EIF4ENIF1: variants seen among roughly 807,000 people sequenced by gnomAD.
The protein encoded by EIF4ENIF1 is eukaryotic translation initiation factor 4E transporter.
In EIF4ENIF1, 23 loss-of-function variants were observed where a neutral mutation model predicts 110.5. The observed-to-expected ratio is 0.21, with a 90% CI of 0.15 to 0.29. The LOEUF (loss-of-function observed/expected upper bound fraction) is 0.29, where lower values mean the gene tolerates loss of function less well. Among genes scored for constraint, EIF4ENIF1 ranks in the 10% least tolerant of loss-of-function variants. The pLI, the probability that EIF4ENIF1 is intolerant of heterozygous loss-of-function variation, is 1.00. For missense variants in EIF4ENIF1, 1,031 were observed against 1,221.1 expected (o/e 0.84, Z 2.32); for synonymous variants, 440 against 437.0 (o/e 1.01, Z -0.09).
At chr22:31,460,634 A>G (rs1245880816) in intron 6 of EIF4ENIF1, among the ~76,000 whole-genome samples, 1 of 150,260 alleles carries the variant, frequency 6.7e-6, no homozygotes, top group African/African-American at 2.5e-5. Flanking sequence ...GTCTCAAAAA[A>G]AAAAGAAAAT....
rs772711567 is a variant in EIF4ENIF1, at chr22:31,463,669, A to G, written c.585+12T>C. On this transcript the variant is annotated intron_variant, in intron 5 of 18. Transcript: ENST00000330125. ...CTCAATTTAAAAAAAAAAAAAAAAA[A>G]AAAAGACAAACCCTGAAACGCTTGT... 1.7e-4 allele frequency: 271 copies of G among 1,555,680 alleles called. No individual in the cohort carries two copies. Among genetic ancestry groups the G allele is most frequent in the South Asian group, 1.6e-3 (131 of 81,160 alleles).
At chr22:31,450,409 C>G in intron 10 of EIF4ENIF1, 49 bp from the exon 11 acceptor site, 1 of 1,463,090 alleles carries the variant, frequency 6.8e-7, no homozygotes, top group Non-Finnish European at 9.6e-7. Context: ...ACTCACTTAA[C>G]TTACAGATTG....
At position 31,462,944 on chromosome 22, in the gene EIF4ENIF1, A is replaced by C. The variant is rs1304843165; in HGVS notation, c.775T>G (p.Ser259Ala). The C allele has an allele frequency of 6.2e-7, 1 of 1,613,698 alleles. No homozygotes were observed. The highest frequency in any genetic ancestry group is 8.5e-7 in the Non-Finnish European group (1 of 1,179,940). The change falls in exon 6 of 19, where the codon TCT (serine) becomes GCT (alanine). Residue 259 changes from serine to alanine, a missense_variant. Ser to Ala is a moderately conservative substitution (Grantham distance 99). This residue lies in a region of EIF4ENIF1 where 704 missense variants were observed against 879.7 expected (regional missense o/e 0.80). Transcript: ENST00000330125. ...AGTTTGAACTGACCTTCCTTCACAG[A>C]GGCTGTCCGTCGCCTTGTTCTTTTT... ...GRKRTRRRTA[S>A]VKEGIVECNG... is the part of the protein sequence containing the mutation.
intron 2 of EIF4ENIF1, among the ~76,000 whole-genome samples, chr22:31,481,257 A>C (rs761354063): frequency 6.6e-5 from 10 of 152,140 alleles, no homozygotes; most frequent in Middle Eastern, 6.8e-3. Context: ...CAACTTCCCA[A>C]GCTCAAGTGA....
At chr22:31,468,875 T>C (rs1967672081) in intron 3 of EIF4ENIF1, among the ~76,000 whole-genome samples, 1 of 152,212 alleles carries the variant, frequency 6.6e-6, no homozygotes, top group African/African-American at 2.4e-5. Flanking sequence ...TACCTTGGCA[T>C]GCACATGGAT....
chr22:31,442,356 A>T (rs532032957), intron 16 of EIF4ENIF1, among the ~76,000 whole-genome samples: 63 of 152,228 alleles, frequency 4.1e-4, no homozygotes, highest in Non-Finnish European at 8.7e-4. Flanking sequence ...ATCTATCACA[A>T]CAGAAAATCT....
At chr22:31,442,398 A>G (rs2050329740) in intron 16 of EIF4ENIF1, among the ~76,000 whole-genome samples, 1 of 152,130 alleles carries the variant, frequency 6.6e-6, no homozygotes, top group Non-Finnish European at 1.5e-5. Flanking sequence ...CAAAGAACCC[A>G]AACTGTCTTA....
chr22:31,443,363 G>A (rs1413934948), intron 15 of EIF4ENIF1: 1 of 322,838 alleles, frequency 3.1e-6, no homozygotes, highest in Non-Finnish European at 5.6e-6. Context: ...CCTGGGATTA[G>A]GCTGGCAAGA....
intron 2 of EIF4ENIF1, among the ~76,000 whole-genome samples, chr22:31,478,482 C>T (rs2051675076): frequency 7.6e-6 from 1 of 131,846 alleles, no homozygotes; most frequent in African/African-American, 3.0e-5. Flanking sequence ...TGCCACAGCA[C>T]TACAGCATGG....
intron 7 of EIF4ENIF1, among the ~76,000 whole-genome samples, chr22:31,456,497 A>G (rs1034100903): frequency 6.6e-6 from 1 of 151,712 alleles, no homozygotes; most frequent in Non-Finnish European, 1.5e-5. Context: ...TGCTGGGATT[A>G]CAAGCATGAG....
chr22:31,490,693 T>C (rs1174664136), upstream of EIF4ENIF1, among the ~76,000 whole-genome samples: 2 of 152,206 alleles, frequency 1.3e-5, no homozygotes, highest in South Asian at 4.1e-4. Flanking sequence ...GCCACAGAAA[T>C]GCAAATATGT....
chr22:31,483,126 T>C (rs1485441510), intron 2 of EIF4ENIF1, among the ~76,000 whole-genome samples: 2 of 148,808 alleles, frequency 1.3e-5, no homozygotes, highest in African/African-American at 2.5e-5. Flanking sequence ...ACTAACAGAA[T>C]AGCAGGTACT....
At chr22:31,454,012 C>A in intron 10 of EIF4ENIF1, 132 bp downstream of exon 10, 1 of 741,706 alleles carries the variant, frequency 1.3e-6, no homozygotes, top group Non-Finnish European at 2.2e-6. Flanking sequence ...CACACAAAAG[C>A]ATCAAGGACC....
At chr22:31,479,463 T>C (rs2051727742) in intron 2 of EIF4ENIF1, 1 of 152,182 alleles carries the variant, frequency 6.6e-6, no homozygotes, top group African/African-American at 2.4e-5. Context: ...GTTGCAATTT[T>C]AGTATATGTG....
At position 31,449,395 on chromosome 22, in the gene EIF4ENIF1, C is replaced by T. The variant is rs766177443; in HGVS notation, c.1721G>A (p.Arg574Gln). The part of the protein sequence containing the change: ...SPPLSQVFQT[R>Q]AASADYLRPR... ...GCGAAGGTAGTCAGCTGAGGCTGCTCGAGTTTGAAACACCTGTGACAAGGG... is the reference window on the plus strand; with the variant it reads ...GCGAAGGTAGTCAGCTGAGGCTGCTTGAGTTTGAAACACCTGTGACAAGGG... The change falls in exon 12 of 19, where the codon CGA becomes CAA. Residue 574 changes from arginine to glutamine, a missense_variant. By Grantham distance (43) the Arg-to-Gln change is conservative (BLOSUM62 1). This residue lies in a region of EIF4ENIF1 where 704 missense variants were observed against 879.7 expected (regional missense o/e 0.80). Transcript: ENST00000330125. The T allele has an allele frequency of 1.2e-5, 19 of 1,614,054 alleles. 1 individual carries two copies. Among genetic ancestry groups the T allele is most frequent in the South Asian group, 3.3e-5 (3 of 91,074 alleles).
chr22:31,488,586 TAA>T, intron 2 of EIF4ENIF1, 35 bp downstream of exon 2: 1 of 1,613,864 alleles, frequency 6.2e-7, no homozygotes, highest in South Asian at 1.1e-5. Context: ...CTTCGCCACC[TAA>T]AAAGAAACAC....
chr22:31,477,075 A>G (rs2146061352), intron 2 of EIF4ENIF1, among the ~76,000 whole-genome samples: 1 of 151,574 alleles, frequency 6.6e-6, no homozygotes, highest in South Asian at 2.1e-4. Flanking sequence ...ATGAGCTGTA[A>G]TTGTACCACC....
rs542254404 is a variant in EIF4ENIF1, at chr22:31,448,126, A to G, written c.1848+27T>C. The G allele has an allele frequency of 4.1e-5, 66 of 1,612,450 alleles. 2 individuals are homozygous for G. The South Asian group carries it at 6.4e-4, about 16-fold the overall frequency. ...CAAGAGGGTGAAGGGCAAGCAAGAG[A>G]TTGAGTTTGAGAAAGCTCAGCCTGA... On this transcript the variant is annotated intron_variant, in intron 13 of 18. Coordinates refer to ENST00000330125, the MANE Select transcript of EIF4ENIF1 (RefSeq NM_019843.4).
chr22:31,475,192 C>T (rs949181614), intron 2 of EIF4ENIF1, among the ~76,000 whole-genome samples: 1 of 152,004 alleles, frequency 6.6e-6, no homozygotes, highest in Non-Finnish European at 1.5e-5. Context: ...GATAGAAATA[C>T]GAATAAAAAT....
Sources: allele counts gnomAD v4.1 joint callset (sites outside exome capture counted in the v4.1 genomes callset), GRCh38; gene constraint gnomAD v4.1.1; regional missense constraint gnomAD v4.1.1; transcripts MANE v1.5; gene names NCBI Gene and HGNC (gene_info 2026-07-23, HGNC 2026-07-21).